The following FHOD3 variants were observed in gnomAD, a reference collection of about 807,000 sequenced individuals.
The protein encoded by FHOD3 is formin homology 2 domain containing 3, also known as FH1/FH2 domain-containing protein 3.
A neutral mutation model predicts 173.0 loss-of-function variants in FHOD3; 90 were observed. That is an observed-to-expected ratio of 0.52 (90% confidence interval 0.44 to 0.62). FHOD3 has a LOEUF of 0.62. FHOD3 is among the 20% of genes least tolerant of loss of function. The probability of loss-of-function intolerance (pLI) is 0.00; values close to 1 mark genes in which losing one functional copy is unlikely to be tolerated. For missense variants in FHOD3, 1,945 were observed against 2,034.7 expected (o/e 0.96, Z 0.85); for synonymous variants, 828 against 823.0 (o/e 1.01, Z -0.10).
At chr18:36,346,589 C>T (rs1250541727) in intron 1 of FHOD3, among the ~76,000 whole-genome samples, 6 of 152,172 alleles carry the variant, frequency 3.9e-5, no homozygotes, top group African/African-American at 1.2e-4. Context: ...TCCTTTCTCC[C>T]TTTTATGCCC....
chr18:36,467,321 A>G (rs1488134772), intron 3 of FHOD3, among the ~76,000 whole-genome samples: 1 of 152,224 alleles, frequency 6.6e-6, no homozygotes, highest in Non-Finnish European at 1.5e-5. Flanking sequence ...TTAGAAAGCC[A>G]TTGTGTGAAG....
chr18:36,369,478 CACACACACACACACACACACAT>C (rs1163736865), intron 2 of FHOD3, among the ~76,000 whole-genome samples: 22 of 128,842 alleles, frequency 1.7e-4, no homozygotes, highest in Admixed American at 1.5e-3. Context: ...CACACACACA[CACACACACACACACACACACAT>C]ATATATAGAG....
intron 1 of FHOD3, among the ~76,000 whole-genome samples, chr18:36,299,060 A>AT (rs1413783563): frequency 7.5e-6 from 1 of 132,484 alleles, no homozygotes; most frequent in East Asian, 2.8e-4. Flanking sequence ...ATTTAAAAAA[A>AT]AACCTCGGAT....
chr18:36,525,592 G>A (rs1042492424), intron 5 of FHOD3, among the ~76,000 whole-genome samples: 95 of 152,220 alleles, frequency 6.2e-4, no homozygotes, highest in African/African-American at 2.0e-3. Flanking sequence ...ACAACACGAA[G>A]CCATCTGGAC....
At chr18:36,722,330 A>T (rs1054752883) in intron 19 of FHOD3, among the ~76,000 whole-genome samples, 1 of 152,084 alleles carries the variant, frequency 6.6e-6, no homozygotes, top group African/African-American at 2.4e-5. Flanking sequence ...CTTGTACCTA[A>T]CCAGGGGCAG....
rs916381718 is a variant in FHOD3, at chr18:36,612,038, G to A, written c.900G>A (p.Arg300=). The change falls in exon 9 of 29, where the codon AGG becomes AGA. Residue 300 remains arginine (R), a synonymous_variant. Transcript: ENST00000590592. ...TGGGCATTGCTGCTGTGTCCCAGAG[G>A]CACTTGAACAAGAAAGGGACTGACC... ...EELGIAAVSQ[R]HLNKKGTDLD... The A allele has an allele frequency of 2.5e-6, 4 of 1,614,152 alleles. No homozygotes were observed. The highest frequency in any genetic ancestry group is 1.6e-4 in the Middle Eastern group (1 of 6,062).
chr18:36,607,327 G>A (rs1368456113), intron 8 of FHOD3, among the ~76,000 whole-genome samples: 1 of 152,156 alleles, frequency 6.6e-6, no homozygotes, highest in Non-Finnish European at 1.5e-5. Context: ...CACAGCTGGG[G>A]TGGCCAAAAA....
chr18:36,357,060 C>A (rs1431142792), intron 2 of FHOD3, among the ~76,000 whole-genome samples: 3 of 152,134 alleles, frequency 2.0e-5, no homozygotes, highest in African/African-American at 7.2e-5. Context: ...CCAGGAGCCC[C>A]CAAAAGTTGT....
intron 8 of FHOD3, among the ~76,000 whole-genome samples, chr18:36,609,394 G>A (rs1234274175): frequency 1.3e-5 from 2 of 151,770 alleles, no homozygotes; most frequent in South Asian, 2.1e-4. Flanking sequence ...TTTAAAAGAT[G>A]TATAGCACCC....
At chr18:36,323,972 G>A (rs373017970) in intron 1 of FHOD3, among the ~76,000 whole-genome samples, 16 of 152,244 alleles carry the variant, frequency 1.1e-4, no homozygotes, top group East Asian at 3.8e-4. Context: ...ATTATTTGAA[G>A]TGAGCCCAGC....
intron 3 of FHOD3, among the ~76,000 whole-genome samples, chr18:36,408,278 T>G (rs1274362921): frequency 6.6e-6 from 1 of 152,196 alleles, no homozygotes; most frequent in Non-Finnish European, 1.5e-5. Flanking sequence ...TTCACAATGG[T>G]CTTGATCATA....
At chr18:36,504,663 C>A (rs994332287) in intron 4 of FHOD3, among the ~76,000 whole-genome samples, 24 of 151,906 alleles carry the variant, frequency 1.6e-4, no homozygotes, top group Admixed American at 5.9e-4. Context: ...TTAATGGGTG[C>A]AGCACACCAG....
At chr18:36,411,522 C>G (rs1053697901) in intron 3 of FHOD3, among the ~76,000 whole-genome samples, 6 of 152,152 alleles carry the variant, frequency 3.9e-5, no homozygotes, top group African/African-American at 1.2e-4. Context: ...CTCTAAACAC[C>G]TTTTTGTTCC....
intron 3 of FHOD3, among the ~76,000 whole-genome samples, chr18:36,395,895 A>G (rs746186616): frequency 2.0e-5 from 3 of 152,232 alleles, no homozygotes; most frequent in African/African-American, 4.8e-5. Flanking sequence ...TATTACCCAC[A>G]TAAACACAGC....
At chr18:36,607,620 C>A (rs530314115) in intron 8 of FHOD3, among the ~76,000 whole-genome samples, 1 of 152,270 alleles carries the variant, frequency 6.6e-6, no homozygotes, top group East Asian at 1.9e-4. Flanking sequence ...GTGACTTTTT[C>A]AAATTTTTCT....
rs181196960 is a variant in FHOD3 at position 36,619,003 on chromosome 18, G to A, written c.958-6508G>A. ...GTCTGTCTATATTCACCCTAGTGAA[G>A]TCAGCAGCCTTGGGGGCTCATCGCT... On this transcript the variant is annotated intron_variant, in intron 9 of 28. Coordinates refer to ENST00000590592, the MANE Select transcript of FHOD3 (RefSeq NM_001281740.3). Among the ~76,000 whole-genome samples, 23 of 152,282 alleles carry A rather than the reference G, an allele frequency of 1.5e-4. No individual in the cohort carries two copies. In the East Asian group the frequency reaches 3.5e-3, roughly 23 times the overall value.
chr18:36,464,308 G>A (rs2052772065), intron 3 of FHOD3, among the ~76,000 whole-genome samples: 1 of 152,232 alleles, frequency 6.6e-6, no homozygotes, highest in African/African-American at 2.4e-5. Flanking sequence ...CCTTTCATTA[G>A]TAACGTTTGA....
chr18:36,646,401 T>C (rs1420661672), intron 10 of FHOD3, among the ~76,000 whole-genome samples: 1 of 152,164 alleles, frequency 6.6e-6, no homozygotes, highest in Non-Finnish European at 1.5e-5. Flanking sequence ...ATAAAGGCTA[T>C]ATATATCACA....
intron 3 of FHOD3, among the ~76,000 whole-genome samples, chr18:36,417,510 A>T (rs767748568): frequency 4.6e-5 from 7 of 152,186 alleles, no homozygotes; most frequent in Non-Finnish European, 7.3e-5. Flanking sequence ...TGCTATTGTG[A>T]ATAGTGCTGC....
Sources: allele counts gnomAD v4.1 joint callset (sites outside exome capture counted in the v4.1 genomes callset), GRCh38; gene constraint gnomAD v4.1.1; transcripts MANE v1.5; gene names NCBI Gene and HGNC (gene_info 2026-07-23, HGNC 2026-07-21).